The following ADAMDEC1 variants were observed in gnomAD, a reference collection of about 807,000 sequenced individuals.
The protein encoded by ADAMDEC1 is ADAM like decysin 1.
ADAMDEC1 carries 62 observed loss-of-function variants against 60.4 expected under a neutral mutation model. The ratio of observed to expected loss-of-function variants is 1.03; its 90% confidence interval spans 0.84 to 1.27. The LOEUF is 1.27. Among genes scored for constraint, ADAMDEC1 ranks in the 50% most tolerant of loss-of-function variants. The pLI is 0.00. For missense variants in ADAMDEC1, 595 were observed against 565.0 expected (o/e 1.05, Z -0.54); for synonymous variants, 210 against 195.1 (o/e 1.08, Z -0.64).
rs747636229 is a variant in ADAMDEC1 at position 24,397,361 on chromosome 8, G to C, written c.532G>C (p.Glu178Gln). ...KEHAVFTSNQ[E>Q]EQDPANHTCG... ...ACATGCCGTCTTTACATCTAACCAGGAGGAACAAGACCCAGCTAACCACAC... is the reference window on the plus strand; with the variant it reads ...ACATGCCGTCTTTACATCTAACCAGCAGGAACAAGACCCAGCTAACCACAC... The change falls in exon 6 of 14, where the codon GAG becomes CAG. Residue 178 changes from glutamate to glutamine, a missense_variant. Coordinates refer to ENST00000256412, the MANE Select transcript of ADAMDEC1 (RefSeq NM_014479.3). 1.2e-6 allele frequency: 2 copies of C among 1,614,024 alleles called. No homozygotes were observed. Among genetic ancestry groups the C allele is most frequent in the Admixed American group, 3.3e-5 (2 of 60,020 alleles).
chr8:24,394,266 A>C (rs549045734), intron 4 of ADAMDEC1, 119 bp downstream of exon 4: 1 of 647,128 alleles, frequency 1.5e-6, no homozygotes, highest in Admixed American at 3.3e-5. Context: ...GTCCATGAAC[A>C]GCTTCAAAAA....
chr8:24,405,159 G>T, intron 13 of ADAMDEC1, 133 bp from the exon 14 acceptor site: 1 of 896,268 alleles, frequency 1.1e-6, no homozygotes, highest in Non-Finnish European at 1.7e-6. Flanking sequence ...TACAGCTAAT[G>T]GTATAGTCTC....
At position 24,392,262 on chromosome 8, in the gene ADAMDEC1, C is replaced by G; in HGVS notation, c.89C>G (p.Ala30Gly). The change falls in exon 2 of 14, where the codon GCA (alanine) becomes GGA (glycine). Residue 30 changes from alanine to glycine, a missense_variant and splice_region_variant. Coordinates refer to ENST00000256412, the MANE Select transcript of ADAMDEC1 (RefSeq NM_014479.3). ...GTGAATATTATTTCTCTTTCTCTAG[C>G]AATAGCCATAAAGCAAACACCTGAA... ...PVLWLIVQTQ[A>G]IAIKQTPELT... 1 of 1,589,340 alleles carries G rather than the reference C, an allele frequency of 6.3e-7. No individual in the cohort carries two copies. The highest frequency in any genetic ancestry group is 8.6e-7 in the Non-Finnish European group (1 of 1,164,446).
At chr8:24,389,052 C>T (rs77675431) in intron 1 of ADAMDEC1, among the ~76,000 whole-genome samples, 3,538 of 152,050 alleles carry the variant, frequency 0.023, 135 homozygotes, top group African/African-American at 0.082. Context: ...TTGTTTGACC[C>T]AAGGGCAAGA....
At chr8:24,399,327 A>C in intron 9 of ADAMDEC1, 66 bp from the exon 10 acceptor site, 3 of 1,508,126 alleles carry the variant, frequency 2.0e-6, no homozygotes, top group South Asian at 2.2e-5. Flanking sequence ...CGTTAATGTA[A>C]TTAACAAAAG....
intron 13 of ADAMDEC1, among the ~76,000 whole-genome samples, chr8:24,405,090 G>T (rs991720817): frequency 6.6e-6 from 1 of 152,156 alleles, no homozygotes; most frequent in South Asian, 2.1e-4. Context: ...AGTCTTTTCT[G>T]TCAGAAACTA....
chr8:24,392,474 T>C (rs1274545202), intron 2 of ADAMDEC1, 94 bp downstream of exon 2: 1 of 898,764 alleles, frequency 1.1e-6, no homozygotes, highest in East Asian at 2.6e-5. Flanking sequence ...ACAGTTACTA[T>C]GTAATAGTTT....
intron 5 of ADAMDEC1, among the ~76,000 whole-genome samples, 168 bp from the exon 6 acceptor site, chr8:24,397,102 C>T (rs185090245): frequency 2.1e-3 from 313 of 152,190 alleles, no homozygotes; most frequent in African/African-American, 7.2e-3. Context: ...CATTTTATAT[C>T]GACAAATAGT....
intron 11 of ADAMDEC1, among the ~76,000 whole-genome samples, chr8:24,400,512 T>G (rs964198293): frequency 3.3e-5 from 5 of 152,090 alleles, no homozygotes; most frequent in African/African-American, 7.2e-5. Context: ...GGTAACATAT[T>G]ACATTCTTAA....
chr8:24,395,946 A>G, intron 5 of ADAMDEC1, 150 bp downstream of exon 5: 1 of 627,224 alleles, frequency 1.6e-6, no homozygotes, highest in Non-Finnish European at 2.8e-6. Context: ...ACAAAGTATT[A>G]CCCTGACAAT....
At position 24,401,919 on chromosome 8, in the gene ADAMDEC1, A is replaced by G. The variant is rs1461944523; in HGVS notation, c.1147A>G (p.Lys383Glu). ...SCVMNQYLSSKFPKDFSTSCR... is the reference protein window; with the variant it reads ...SCVMNQYLSSEFPKDFSTSCR... ...TGAGTTTTCTTCTGATTACAGTTCAAAATTCCCAAAGGATTTCAGTACATC... is the reference window on the plus strand; with the variant it reads ...TGAGTTTTCTTCTGATTACAGTTCAGAATTCCCAAAGGATTTCAGTACATC... The change falls in exon 12 of 14, where the codon AAA (lysine) becomes GAA (glutamate). Residue 383 changes from lysine to glutamate, a missense_variant. Physicochemically the swap from Lys to Glu is moderately conservative, Grantham distance 56 (BLOSUM62 1). Transcript: ENST00000256412. 1 of 1,607,146 alleles carries G rather than the reference A, an allele frequency of 6.2e-7. No individual in the cohort carries two copies. The highest frequency in any genetic ancestry group is 1.3e-5 in the African/African-American group (1 of 74,486).
At chr8:24,394,494 A>G (rs1396926742) in intron 4 of ADAMDEC1, among the ~76,000 whole-genome samples, 2 of 152,148 alleles carry the variant, frequency 1.3e-5, no homozygotes, top group Non-Finnish European at 2.9e-5. Flanking sequence ...ACTATTTACT[A>G]TTTTTTGGAG....
intron 1 of ADAMDEC1, among the ~76,000 whole-genome samples, chr8:24,391,119 G>A (rs1817435255): frequency 6.6e-6 from 1 of 152,122 alleles, no homozygotes; most frequent in Non-Finnish European, 1.5e-5. Context: ...CAGCATTACA[G>A]CAGAACTTTG....
chr8:24,384,679 T>A, intron 1 of ADAMDEC1, 87 bp downstream of exon 1: 3 of 1,253,030 alleles, frequency 2.4e-6, no homozygotes. Context: ...ATGGCATATG[T>A]TTTTATGGTC....
rs1055807170 is a variant in ADAMDEC1, at chr8:24,405,584, T to C, written c.*286T>C. 3 of 372,470 alleles carry C rather than the reference T, an allele frequency of 8.1e-6. No individual in the cohort carries two copies. Among genetic ancestry groups the C allele is most frequent in the Non-Finnish European group, 1.4e-5 (3 of 209,892 alleles). The allele number at this position is 372,470 out of a possible 1,614,324, so 23.1% of individuals were successfully genotyped here. On this transcript the variant is annotated 3_prime_UTR_variant, in exon 14 of 14. Coordinates refer to ENST00000256412, the MANE Select transcript of ADAMDEC1 (RefSeq NM_014479.3). ...CCCTTTGGAGAACAAAAGAAAGCAG[T>C]CTTCCATCAAATCACCTTAAAATGC...
rs760119158 is a variant in ADAMDEC1, at chr8:24,404,105, T to G, written c.1406+17T>G. ...CCATACCACGTAAGACCTTTTGTTT[T>G]CTTTGTTCCAAAACGTTTTCTCACG... On this transcript the variant is annotated intron_variant, in intron 13 of 13. Transcript: ENST00000256412. 40 of 1,609,870 alleles carry G rather than the reference T, an allele frequency of 2.5e-5. No homozygotes were observed. The highest frequency in any genetic ancestry group is 8.0e-5 in the African/African-American group (6 of 74,808).
chr8:24,400,182 A>C lies in ADAMDEC1; in HGVS notation c.1024A>C (p.Asn342His). ...SVAVIEAKKKNNVALVGVMSH... is the reference protein window; with the variant it reads ...SVAVIEAKKKHNVALVGVMSH... ...CTACTTTTTCCAGGCTAAAAAAAAG[A>C]ATAATGTGGCTCTTGTAGGAGTGAT... Residue 342 changes from asparagine (N) to histidine (H), a missense_variant, in exon 11 of 14, where the codon AAT becomes CAT. By Grantham distance (68) the Asn-to-His change is moderately conservative. Coordinates refer to ENST00000256412, the MANE Select transcript of ADAMDEC1 (RefSeq NM_014479.3). The C allele has an allele frequency of 6.3e-7, 1 of 1,584,508 alleles. No homozygotes were observed.
chr8:24,405,437 G>A lies in ADAMDEC1; in HGVS notation c.*139G>A. On this transcript the variant is annotated 3_prime_UTR_variant, in exon 14 of 14. Transcript: ENST00000256412. ...TACTTTCTATATTGTTATCAGTCCA[G>A]GAAACAGGTAAACAGATGTAATTAG... 1 of 922,936 alleles carries A rather than the reference G, an allele frequency of 1.1e-6. No homozygotes were observed. The highest frequency in any genetic ancestry group is 1.7e-6 in the Non-Finnish European group (1 of 604,108). The allele number at this position is 922,936 out of a possible 1,614,324, so 57.2% of individuals were successfully genotyped here.
In ADAMDEC1 at chr8:24,401,957, T is replaced by C. The variant is rs771973331; in HGVS notation, c.1185T>C (p.His395=). Residue 395 remains histidine, a synonymous_variant, in exon 12 of 14, where the codon CAT becomes CAC. Transcript: ENST00000256412. Reference sequence around the variant, plus strand: ...ATTTCAGTACATCTTGCCGTGCACATTTTGAAAGATACCTTTTATCTCAGA... The same window carrying C: ...ATTTCAGTACATCTTGCCGTGCACACTTTGAAAGATACCTTTTATCTCAGA... ...PKDFSTSCRA[H]FERYLLSQKP... is the part of the protein sequence containing the mutation. The C allele has an allele frequency of 1.2e-5, 20 of 1,612,770 alleles. No homozygotes were observed. Among genetic ancestry groups the C allele is most frequent in the Non-Finnish European group, 1.7e-6 (2 of 1,179,542 alleles).
Sources: allele counts gnomAD v4.1 joint callset (sites outside exome capture counted in the v4.1 genomes callset), GRCh38; gene constraint gnomAD v4.1.1; transcripts MANE v1.5; gene names NCBI Gene and HGNC (gene_info 2026-07-23, HGNC 2026-07-21).